The following MED12L variants were observed in gnomAD, a reference collection of about 807,000 sequenced individuals.
MED12L encodes the protein mediator complex subunit 12L.
MED12L carries 60 observed loss-of-function variants against 281.3 expected under a neutral mutation model. The ratio of observed to expected loss-of-function variants is 0.21; its 90% CI spans 0.17 to 0.26. The LOEUF (loss-of-function observed/expected upper bound fraction) is 0.26. Among genes scored for constraint, MED12L ranks in the 10% least tolerant of loss-of-function variants. The pLI is 1.00. For missense variants in MED12L, 2,146 were observed against 2,680.9 expected (o/e 0.80, Z 4.41); for synonymous variants, 974 against 987.2 (o/e 0.99, Z 0.25).
Position 151,430,196 on chromosome 3 carries a change from G to T in MED12L, c.6409-103G>T. 2.6e-5 allele frequency: 40 copies of T among 1,534,328 alleles called. No homozygotes were observed. In the Admixed American group the frequency reaches 3.8e-4, roughly 15 times the overall value. ...TGTCATAGCCCTTTTTTCGTGAAGT[G>T]TTGAGAAGTACCTTACAGACTGGCC... On this transcript the variant is annotated intron_variant, in intron 43 of 44. Transcript: ENST00000687756.
rs1424153109 is a variant in MED12L at position 151,384,572 on chromosome 3, TA to T, written c.4926+357del. The T allele has an allele frequency of 4.1e-5, 8 of 195,624 alleles. No homozygotes were observed. In the East Asian group the frequency reaches 1.1e-3, roughly 26 times the overall value. 12.1% of individuals were successfully genotyped at this position (195,624 alleles called of 1,614,324 possible). On this transcript the variant is annotated intron_variant, in intron 35 of 44. Transcript: ENST00000687756. ...AAATAGCCATCTGCATTGAAATTTA[TA>T]AATCGATTCATTTGACCGACCACTA...
chr3:151,097,823 G>A (rs937601852), intron 2 of MED12L, among the ~76,000 whole-genome samples: 1 of 152,166 alleles, frequency 6.6e-6, no homozygotes, highest in African/African-American at 2.4e-5. Flanking sequence ...CAGTAGTTCC[G>A]GGGTTGAGAA....
intron 16 of MED12L, among the ~76,000 whole-genome samples, chr3:151,279,012 T>C (rs1236234366): frequency 5.9e-5 from 9 of 152,246 alleles, no homozygotes; most frequent in Non-Finnish European, 1.2e-4. Context: ...AAAGTCTTCA[T>C]ATTTTTAGTT....
At chr3:151,411,032 A>T (rs1049176423) in intron 40 of MED12L, among the ~76,000 whole-genome samples, 1 of 152,126 alleles carries the variant, frequency 6.6e-6, no homozygotes, top group Non-Finnish European at 1.5e-5. Context: ...TAACTAAATG[A>T]GGATTCATTT....
At chr3:151,156,132 A>G in intron 5 of MED12L, 29 bp from the exon 6 acceptor site, 1 of 1,560,880 alleles carries the variant, frequency 6.4e-7, no homozygotes, top group East Asian at 2.3e-5. Flanking sequence ...GTGTCTAGAA[A>G]CTCATATTTT....
chr3:151,217,665 T>C (rs1728508795), intron 16 of MED12L, among the ~76,000 whole-genome samples: 1 of 152,224 alleles, frequency 6.6e-6, no homozygotes, highest in South Asian at 2.1e-4. Flanking sequence ...TCTGGTTTGA[T>C]ACAGCAGAGG....
chr3:151,106,551 G>A (rs1722095998), intron 2 of MED12L, among the ~76,000 whole-genome samples: 1 of 152,076 alleles, frequency 6.6e-6, no homozygotes, highest in Non-Finnish European at 1.5e-5. Flanking sequence ...CACAGACCCT[G>A]CATAGTCTCT....
intron 16 of MED12L, chr3:151,213,827 C>T: frequency 6.2e-7 from 1 of 1,614,192 alleles, no homozygotes; most frequent in Non-Finnish European, 8.5e-7. Flanking sequence ...ACCTCCCTAA[C>T]ACTCTGGTTG....
In MED12L at chr3:151,375,984, G is replaced by A. The variant is rs201190703; in HGVS notation, c.3865-42G>A. On this transcript the variant is annotated intron_variant, in intron 27 of 44. Coordinates refer to ENST00000687756, the MANE Select transcript of MED12L (RefSeq NM_001393769.1). ...AGTACATATTGCATATATATATACC[G>A]AAAGCCAGTGCCTGTCAATCTAATT... 176 of 964,764 alleles carry A rather than the reference G, an allele frequency of 1.8e-4. No individual in the cohort carries two copies. The East Asian group carries it at 3.0e-3, about 17-fold the overall frequency. The allele number at this position is 964,764 out of a possible 1,614,324, so 59.8% of individuals were successfully genotyped here. A position where few individuals can be genotyped will look rare whatever the true frequency, so the allele number is the denominator to read the frequency against.
At chr3:151,098,174 A>G (rs1560042849) in intron 2 of MED12L, among the ~76,000 whole-genome samples, 1 of 152,174 alleles carries the variant, frequency 6.6e-6, no homozygotes, top group Non-Finnish European at 1.5e-5. Context: ...GCTTTTGGGT[A>G]TTATGGTGGA....
intron 16 of MED12L, among the ~76,000 whole-genome samples, chr3:151,233,839 T>C (rs1732213375): frequency 6.6e-6 from 1 of 152,254 alleles, no homozygotes; most frequent in African/African-American, 2.4e-5. Flanking sequence ...CTCCGCCTTG[T>C]GGTAACTCTG....
intron 16 of MED12L, among the ~76,000 whole-genome samples, chr3:151,201,585 T>A (rs1246011479): frequency 6.6e-6 from 1 of 152,232 alleles, no homozygotes; most frequent in Non-Finnish European, 1.5e-5. Context: ...GATCTGTTCT[T>A]ATTGGTCATC....
At chr3:151,192,788 T>C (rs1016737885) in intron 15 of MED12L, 134 bp downstream of exon 15, 1 of 682,318 alleles carries the variant, frequency 1.5e-6, no homozygotes, top group Non-Finnish European at 2.5e-6. Flanking sequence ...CTTCCTTTGG[T>C]ACAATTATCA....
intron 12 of MED12L, among the ~76,000 whole-genome samples, chr3:151,186,404 G>A (rs1723288113): frequency 6.6e-6 from 1 of 152,066 alleles, no homozygotes; most frequent in Admixed American, 6.5e-5. Context: ...TACTCTCTGT[G>A]GCTCCTGACT....
At chr3:151,227,834 G>A (rs145595257) in intron 16 of MED12L, among the ~76,000 whole-genome samples, 47 of 152,068 alleles carry the variant, frequency 3.1e-4, no homozygotes, top group Non-Finnish European at 6.3e-4. Flanking sequence ...TGTTTTTTTC[G>A]GTTTCAGTTC....
chr3:151,329,481 C>T, intron 16 of MED12L: 2 of 1,541,554 alleles, frequency 1.3e-6, no homozygotes, highest in East Asian at 2.5e-5. Context: ...TGAAATTCAC[C>T]TTTGGGAGGA....
intron 5 of MED12L, among the ~76,000 whole-genome samples, chr3:151,148,366 ATGG>A (rs1350426832): frequency 2.6e-5 from 4 of 152,222 alleles, no homozygotes; most frequent in Non-Finnish European, 5.9e-5. Flanking sequence ...TGTGAGAAAA[ATGG>A]TGGAAAATCT....
chr3:151,357,281 T>C lies in MED12L; in HGVS notation c.2730T>C (p.Tyr910=), dbSNP rs1754048565. 2 of 1,613,604 alleles carry C rather than the reference T, an allele frequency of 1.2e-6. No homozygotes were observed. Among genetic ancestry groups the C allele is most frequent in the Non-Finnish European group, 1.7e-6 (2 of 1,179,778 alleles). Residue 910 remains tyrosine, a synonymous_variant, in exon 20 of 45, where the codon TAT becomes TAC. Coordinates refer to ENST00000687756, the MANE Select transcript of MED12L (RefSeq NM_001393769.1). ...LLKSSSLAGS[Y]TTGLCVCIVA... ...AATCCTCCAGCCTGGCAGGAAGTTA[T>C]ACAACAGGACTGTGTGTCTGCATCG...
Position 151,193,570 on chromosome 3 carries a change from G to C in MED12L, c.2154G>C (p.Lys718Asn), listed in dbSNP as rs1242916912. The C allele has an allele frequency of 1.2e-6, 2 of 1,613,930 alleles. No individual in the cohort carries two copies. Among genetic ancestry groups the C allele is most frequent in the African/African-American group, 2.7e-5 (2 of 74,936 alleles). ...GAAGAATGTCAGTTAATTGTGAGAA[G>C]TTGGTGAAGAGGGAAAAGCCAAGGG... The part of the protein sequence containing the change: ...LGRRMSVNCE[K>N]LVKREKPREL... Residue 718 changes from lysine (K) to asparagine (N), a missense_variant, in exon 16 of 45, where the codon AAG becomes AAC. Physicochemically the swap from Lys to Asn is moderately conservative, Grantham distance 94. This residue lies in a region of MED12L where 722 missense variants were observed against 861.2 expected (regional missense o/e 0.84). Coordinates refer to ENST00000687756, the MANE Select transcript of MED12L (RefSeq NM_001393769.1).
Sources: allele counts gnomAD v4.1 joint callset (sites outside exome capture counted in the v4.1 genomes callset), GRCh38; gene constraint gnomAD v4.1.1; regional missense constraint gnomAD v4.1.1; transcripts MANE v1.5; gene names NCBI Gene and HGNC (gene_info 2026-07-23, HGNC 2026-07-21).